The following CRLS1 variants were observed in gnomAD, a reference collection of about 807,000 sequenced individuals.
CRLS1 encodes the protein cardiolipin synthase (CMP-forming).
A neutral mutation model predicts 37.0 loss-of-function variants in CRLS1; 24 were observed. That is an observed-to-expected ratio of 0.65 (90% CI 0.47 to 0.91). The LOEUF (loss-of-function observed/expected upper bound fraction) is 0.91, where lower values mean the gene tolerates loss of function less well. Ranked by LOEUF, CRLS1 falls within the 40% of genes least tolerant of loss-of-function variation. The pLI is 0.00. For synonymous variants in CRLS1, 135 were observed against 159.7 expected (o/e 0.85, Z 1.17); for missense variants, 373 against 395.8 (o/e 0.94, Z 0.49).
At position 6,020,984 on chromosome 20, in the gene CRLS1, G is replaced by A. The variant is rs930393800; in HGVS notation, c.574+5494G>A. ...CTTCACTGACTGTTCTTTTGCTTTT[G>A]GTTTGTTCAGCAGTTAGAGTTTCCT... is the stretch of plus-strand genomic sequence containing the variant. On this transcript the variant is annotated intron_variant, in intron 3 of 6. Transcript: ENST00000378863. Among the ~76,000 whole-genome samples the A allele has an allele frequency of 4.6e-5, 7 of 151,056 alleles. No homozygotes were observed. In the South Asian group the frequency reaches 1.5e-3, roughly 32 times the overall value.
At position 6,029,778 on chromosome 20, in the gene CRLS1, C is replaced by T. The variant is rs187091595; in HGVS notation, c.575-1507C>T. On this transcript the variant is annotated intron_variant, in intron 3 of 6. Transcript: ENST00000378863. ...TATGACTCACTGTTTTCATGCTTGG[C>T]TCATATAGCCACATCTTGTTTGCTC... is the stretch of plus-strand genomic sequence containing the variant. Among the ~76,000 whole-genome samples the T allele has an allele frequency of 3.0e-3, 463 of 152,352 alleles. 2 individuals are homozygous for T. The highest frequency in any genetic ancestry group is 9.8e-3 in the African/African-American group (408 of 41,576).
At chr20:6,036,967 A>G in intron 6 of CRLS1, 107 bp from the exon 7 acceptor site, 1 of 775,394 alleles carries the variant, frequency 1.3e-6, no homozygotes, top group Non-Finnish European at 2.1e-6. Flanking sequence ...TTTACTTTTT[A>G]AATTCATTTT....
At chr20:6,033,714 T>C (rs1306765588) in intron 5 of CRLS1, among the ~76,000 whole-genome samples, 1 of 152,224 alleles carries the variant, frequency 6.6e-6, no homozygotes, top group Non-Finnish European at 1.5e-5. Flanking sequence ...GGTCTTGCGC[T>C]GTCTGCCCAG....
At position 6,038,065 on chromosome 20, in the gene CRLS1, G is replaced by T. The variant is rs2235816; in HGVS notation, c.*907G>T. On this transcript the variant is annotated 3_prime_UTR_variant, in exon 7 of 7. Transcript: ENST00000378863. ...AAAAATTGTACCTTCAACTCAGGTT[G>T]TTCCATATAACATACGTATTCTCTG... The T allele has an allele frequency of 1.3e-5, 2 of 152,024 alleles. No individual in the cohort carries two copies. The highest frequency in any genetic ancestry group is 2.9e-5 in the Non-Finnish European group (2 of 67,976). 9.4% of individuals were successfully genotyped at this position (152,024 alleles called of 1,614,324 possible). A position where few individuals can be genotyped will look rare whatever the true frequency, so the allele number is the denominator to read the frequency against.
intron 2 of CRLS1, among the ~76,000 whole-genome samples, chr20:6,011,655 G>A (rs1409939235): frequency 7.6e-6 from 1 of 132,422 alleles, no homozygotes; most frequent in Non-Finnish European, 1.5e-5. Flanking sequence ...GCGTGATGTC[G>A]GCTCACTGCA....
intron 1 of CRLS1, chr20:6,007,181 G>T: frequency 7.3e-7 from 1 of 1,364,182 alleles, no homozygotes; most frequent in Non-Finnish European, 9.6e-7. Flanking sequence ...TTGATGTCAT[G>T]TTAGCAAGAC....
chr20:6,031,137 C>A (rs1282852610), intron 3 of CRLS1, 148 bp from the exon 4 acceptor site: 2 of 520,156 alleles, frequency 3.8e-6, no homozygotes, highest in Non-Finnish European at 6.6e-6. Context: ...TATAGGGGAC[C>A]CTAAACCATC....
chr20:6,019,640 G>A (rs1186065102), intron 3 of CRLS1, among the ~76,000 whole-genome samples: 1 of 136,176 alleles, frequency 7.3e-6, no homozygotes, highest in Non-Finnish European at 1.6e-5. Context: ...ACATCTTGTA[G>A]TTTTATTTTT....
rs558344493 is a variant in CRLS1 at position 6,040,034 on chromosome 20, G to A, written c.*2876G>A. On this transcript the variant is annotated 3_prime_UTR_variant, in exon 7 of 7. Coordinates refer to ENST00000378863, the MANE Select transcript of CRLS1 (RefSeq NM_019095.6). The stretch of plus-strand genomic sequence containing the variant: ...CAGCAGCTGCAGGAAATTAATAAAT[G>A]CCAATGTTGAAAATTAAAATCTAGA... The A allele has an allele frequency of 2.2e-4, 34 of 152,286 alleles. No individual in the cohort carries two copies. In the East Asian group the frequency reaches 5.8e-3, roughly 26 times the overall value. 9.4% of individuals were successfully genotyped at this position (152,286 alleles called of 1,614,324 possible).
chr20:6,006,583 C>T, intron 1 of CRLS1, 31 bp downstream of exon 1: 1 of 1,254,586 alleles, frequency 8.0e-7, no homozygotes, highest in Non-Finnish European at 1.0e-6. Flanking sequence ...GGCGGGCCGG[C>T]CCTGGGCTGG....
chr20:6,023,043 A>G (rs1881467905), intron 3 of CRLS1, among the ~76,000 whole-genome samples: 1 of 151,746 alleles, frequency 6.6e-6, no homozygotes, highest in African/African-American at 2.4e-5. Context: ...ATTTAATCTT[A>G]CTTTATTGTA....
chr20:6,021,150 T>A (rs988131146), intron 3 of CRLS1, among the ~76,000 whole-genome samples: 1 of 150,036 alleles, frequency 6.7e-6, no homozygotes, highest in Non-Finnish European at 1.5e-5. Flanking sequence ...CACTGCAGCC[T>A]CTGCCACCTG....
At chr20:6,034,027 A>G (rs911596935) in intron 5 of CRLS1, among the ~76,000 whole-genome samples, 1 of 152,212 alleles carries the variant, frequency 6.6e-6, no homozygotes, top group African/African-American at 2.4e-5. Context: ...GGCCCCAGGA[A>G]ATCTAGGTTC....
At chr20:6,022,586 C>T (rs1320445916) in intron 3 of CRLS1, among the ~76,000 whole-genome samples, 1 of 152,132 alleles carries the variant, frequency 6.6e-6, no homozygotes, top group South Asian at 2.1e-4. Flanking sequence ...AATCCACCCA[C>T]CTTGGCCTTC....
At chr20:6,027,250 A>AT (rs1324420596) in intron 3 of CRLS1, among the ~76,000 whole-genome samples, 1 of 151,156 alleles carries the variant, frequency 6.6e-6, no homozygotes, top group East Asian at 2.0e-4. Context: ...TGCCTGGCTA[A>AT]TTTTTTGTAT....
At chr20:6,027,116 C>T (rs1448261522) in intron 3 of CRLS1, among the ~76,000 whole-genome samples, 1 of 145,716 alleles carries the variant, frequency 6.9e-6, no homozygotes, top group South Asian at 2.1e-4. Context: ...AGGAGTTTCG[C>T]TCTGTCACCT....
upstream of CRLS1, chr20:6,006,006 G>A (rs942693214): frequency 2.4e-5 from 8 of 338,650 alleles, no homozygotes; most frequent in African/African-American, 4.3e-5. Flanking sequence ...CGCCTCCGCT[G>A]TGCCAGGGGC....
chr20:6,031,507 G>A, intron 4 of CRLS1, 137 bp downstream of exon 4: 1 of 602,716 alleles, frequency 1.7e-6, no homozygotes, highest in Non-Finnish European at 2.9e-6. Flanking sequence ...ATCCCTAGAA[G>A]CAAATTCTTT....
chr20:6,030,345 T>G (rs963030248), intron 3 of CRLS1, among the ~76,000 whole-genome samples: 3 of 152,052 alleles, frequency 2.0e-5, no homozygotes, highest in Non-Finnish European at 4.4e-5. Context: ...TGAGGAATGA[T>G]GACAAAAATA....
Sources: gnomAD v4.1 joint callset for allele counts (sites outside exome capture counted in the v4.1 genomes callset) on GRCh38, gnomAD v4.1.1 for gene constraint, MANE v1.5 for transcripts, NCBI Gene and HGNC (gene_info 2026-07-23, HGNC 2026-07-21) for gene names.